The following DYSF variants were observed in gnomAD, a reference collection of about 807,000 sequenced individuals.
DYSF encodes dysferlin, also known as dystrophy-associated fer-1-like 1.
In DYSF, 212 loss-of-function variants were observed where a neutral mutation model predicts 274.9. The ratio of observed to expected loss-of-function variants is 0.77; its 90% CI spans 0.69 to 0.86. The LOEUF (loss-of-function observed/expected upper bound fraction) is 0.86. Among genes scored for constraint, DYSF ranks in the 40% least tolerant of loss-of-function variants. DYSF has a pLI of 0.00. For missense variants in DYSF, 2,666 were observed against 2,783.2 expected (o/e 0.96, Z 0.95); for synonymous variants, 1,091 against 1,078.7 (o/e 1.01, Z -0.22).
intron 29 of DYSF, among the ~76,000 whole-genome samples, chr2:71,573,017 TG>T (rs1325984144): frequency 2.6e-5 from 4 of 152,328 alleles, no homozygotes; most frequent in Non-Finnish European, 4.4e-5. Flanking sequence ...GCCTGTGCAC[TG>T]CACAGCCTCT....
intron 32 of DYSF, among the ~76,000 whole-genome samples, chr2:71,593,430 C>T (rs1356639532): frequency 6.6e-6 from 1 of 152,174 alleles, no homozygotes. Context: ...TGTGCCCGGC[C>T]AGTTCAATGA....
chr2:71,635,441 T>C (rs1425060314), intron 41 of DYSF, among the ~76,000 whole-genome samples: 1 of 152,092 alleles, frequency 6.6e-6, no homozygotes, highest in East Asian at 1.9e-4. Context: ...GCATTGAGGT[T>C]ATGAGTGTTA....
At chr2:71,597,779 C>T (rs1335765706) in intron 32 of DYSF, among the ~76,000 whole-genome samples, 2 of 152,152 alleles carry the variant, frequency 1.3e-5, no homozygotes, top group African/African-American at 4.8e-5. Flanking sequence ...TTCTCGCACA[C>T]CCCTACTGCT....
chr2:71,505,722 A>C (rs750201971), intron 4 of DYSF, among the ~76,000 whole-genome samples: 1 of 152,204 alleles, frequency 6.6e-6, no homozygotes, highest in Non-Finnish European at 1.5e-5. Context: ...TAGGACACAC[A>C]TGGAGGAAAA....
At chr2:71,678,952 G>A (rs2095260745) in intron 52 of DYSF, 105 bp from the exon 53 acceptor site, 2 of 998,510 alleles carry the variant, frequency 2.0e-6, no homozygotes, top group African/African-American at 3.2e-5. Flanking sequence ...ATAGAAGCTG[G>A]TGACAGAGGT....
chr2:71,526,415 C>CTTTGGGGGGGGG, intron 13 of DYSF, 69 bp downstream of exon 13: 1 of 411,244 alleles, frequency 2.4e-6, no homozygotes, highest in East Asian at 8.3e-5. Context: ...TGGGGGTGGG[C>CTTTGGGGGGGGG]GATGGCGGGC....
At chr2:71,637,655 TG>T (rs1425298186) in intron 41 of DYSF, among the ~76,000 whole-genome samples, 1 of 151,912 alleles carries the variant, frequency 6.6e-6, no homozygotes, top group South Asian at 2.1e-4. Flanking sequence ...CATTTGGTTG[TG>T]GGGGGCTGAT....
At chr2:71,686,321 G>T in intron 55 of DYSF, 133 bp from the exon 56 acceptor site, 1 of 1,118,042 alleles carries the variant, frequency 8.9e-7, no homozygotes, top group South Asian at 1.2e-5. Context: ...GAAGAGCCAC[G>T]AGCGTCCTCT....
At chr2:71,514,021 G>A (rs933347192) in intron 7 of DYSF, 100 bp downstream of exon 7, 1 of 1,412,852 alleles carries the variant, frequency 7.1e-7, no homozygotes, top group Admixed American at 1.8e-5. Flanking sequence ...GAAGATGTGT[G>A]TGGGATCCTC....
chr2:71,659,450 T>G (rs227786), intron 44 of DYSF, among the ~76,000 whole-genome samples: 132,048 of 152,166 alleles, frequency 0.87, 57,453 homozygotes, highest in Middle Eastern at 0.9. Context: ...TCTCAATGGT[T>G]AATGGGGAGG....
At chr2:71,572,130 TCACACCCAGCA>T (rs2092520430) in intron 29 of DYSF, among the ~76,000 whole-genome samples, 1 of 115,322 alleles carries the variant, frequency 8.7e-6, no homozygotes, top group Non-Finnish European at 1.7e-5. Context: ...CCAGCACAGA[TCACACCCAGCA>T]CACCCACAGA....
chr2:71,646,277 A>C (rs2094566510), intron 42 of DYSF, among the ~76,000 whole-genome samples: 1 of 152,234 alleles, frequency 6.6e-6, no homozygotes, highest in African/African-American at 2.4e-5. Flanking sequence ...CAGACAACCC[A>C]AGCAAGAATG....
At chr2:71,515,792 CT>C in intron 8 of DYSF, 41 bp downstream of exon 8, 5 of 1,612,818 alleles carry the variant, frequency 3.1e-6, no homozygotes, top group Non-Finnish European at 4.2e-6. Context: ...CTTGGTGGGC[CT>C]TCCAATCTGG....
At chr2:71,464,313 G>T (rs994404313), upstream of DYSF, among the ~76,000 whole-genome samples, 1 of 152,252 alleles carries the variant, frequency 6.6e-6, no homozygotes, top group African/African-American at 2.4e-5. Context: ...GGACAAAACA[G>T]ACAAAAACCC....
intron 3 of DYSF, among the ~76,000 whole-genome samples, chr2:71,494,772 C>T (rs1008539495): frequency 1.3e-5 from 2 of 152,214 alleles, no homozygotes; most frequent in Admixed American, 1.3e-4. Context: ...TCATCTCTTC[C>T]ATCCTTGATA....
rs749168528 is a variant in DYSF at position 71,669,154 on chromosome 2, C to T, written c.5589C>T (p.Ile1863=). The part of the protein sequence containing the change: ...RCIIWNTRDV[I]LDDLSLTGEK... ...TTATCTGGAATACCAGAGATGTGAT[C>T]CTGGATGACCTGAGCCTCACGGGGG... Residue 1863 remains isoleucine (I), a synonymous_variant, in exon 50 of 56, where the codon ATC becomes ATT. Transcript: ENST00000410020. The T allele has an allele frequency of 5.6e-6, 9 of 1,610,246 alleles. No homozygotes were observed. Among genetic ancestry groups the T allele is most frequent in the African/African-American group, 1.3e-5 (1 of 74,894 alleles).
intron 10 of DYSF, among the ~76,000 whole-genome samples, chr2:71,517,832 C>A (rs371852702): frequency 3.3e-5 from 5 of 151,996 alleles, no homozygotes; most frequent in African/African-American, 1.2e-4. Context: ...AATATATTTA[C>A]AAGTTTTCTA....
chr2:71,581,750 G>A (rs183671639), intron 30 of DYSF, among the ~76,000 whole-genome samples: 2 of 152,270 alleles, frequency 1.3e-5, no homozygotes, highest in East Asian at 3.9e-4. Context: ...CTTATCAGGT[G>A]GGAATGCTAA....
At position 71,513,332 on chromosome 2, in the gene DYSF, G is replaced by T. The variant is rs754784694; in HGVS notation, c.553G>T (p.Asp185Tyr). ...YSGKKWPAPTDTGGEEDTEDQ... is the reference protein window; with the variant it reads ...YSGKKWPAPTYTGGEEDTEDQ... Reference sequence around the variant, plus strand: ...TGGAAAGAAGTGGCCGGCCCCCACGGGTGAGACACGGGCCAGGACTGTCCT... The same window carrying T: ...TGGAAAGAAGTGGCCGGCCCCCACGTGTGAGACACGGGCCAGGACTGTCCT... Residue 185 changes from aspartate (D) to tyrosine (Y), a missense_variant and splice_region_variant, in exon 6 of 56, where the codon GAC becomes TAC. By Grantham distance (160) the Asp-to-Tyr change is radical. This residue lies in a region of DYSF where 794 missense variants were observed against 777.1 expected (regional missense o/e 1.02). Coordinates refer to ENST00000410020, the MANE Select transcript of DYSF (RefSeq NM_001130987.2). 2 of 1,551,560 alleles carry T rather than the reference G, an allele frequency of 1.3e-6. No individual in the cohort carries two copies. The highest frequency in any genetic ancestry group is 1.4e-5 in the African/African-American group (1 of 73,150).
Sources: allele counts gnomAD v4.1 joint callset (sites outside exome capture counted in the v4.1 genomes callset), GRCh38; gene constraint gnomAD v4.1.1; regional missense constraint gnomAD v4.1.1; transcripts MANE v1.5; gene names NCBI Gene and HGNC (gene_info 2026-07-23, HGNC 2026-07-21).